PLD5: variants seen among roughly 807,000 people sequenced by gnomAD.
PLD5 encodes the protein phospholipase D family member 5.
In PLD5, 36 loss-of-function variants were observed where a neutral mutation model predicts 61.1. The ratio of observed to expected loss-of-function variants is 0.59; its 90% CI spans 0.45 to 0.78. The LOEUF (loss-of-function observed/expected upper bound fraction) is 0.78, where lower values mean the gene tolerates loss of function less well. PLD5 is among the 30% of genes least tolerant of loss of function. The probability of loss-of-function intolerance (pLI) is 0.00; values close to 1 mark genes in which losing one functional copy is unlikely to be tolerated. For missense variants in PLD5, 515 were observed against 644.4 expected, an observed-to-expected ratio of 0.80 and a Z score of 2.17; for synonymous variants, 243 against 242.8, an observed-to-expected ratio of 1.00 and a Z score of -0.01.
intron 1 of PLD5, among the ~76,000 whole-genome samples, chr1:242,504,134 T>G (rs573910886): frequency 6.6e-6 from 1 of 152,290 alleles, no homozygotes; most frequent in African/African-American, 2.4e-5. Context: ...AGAAATAATT[T>G]TATCTATTTT....
In PLD5 at chr1:242,361,969, A is replaced by AT. The variant is rs1172656842; in HGVS notation, c.190-13728dup. ...GGCCAACATACTGAGACCTCATCTC[A>AT]TTTTTTTTTTTTTTTGGTATAAAAA... On this transcript the variant is annotated intron_variant, in intron 1 of 9. Transcript: ENST00000536534. Among the ~76,000 whole-genome samples the AT allele has an allele frequency of 3.5e-3, 478 of 137,528 alleles. 1 individual carries two copies. The highest frequency in any genetic ancestry group is 4.4e-3 in the Non-Finnish European group (276 of 63,298). 90.2% of individuals were successfully genotyped at this position (137,528 alleles called of 152,430 possible). A position where few individuals can be genotyped will look rare whatever the true frequency, so the allele number is the denominator to read the frequency against.
rs1328499586 is a variant in PLD5, at chr1:242,435,288, A to G, written c.190-87046T>C. On this transcript the variant is annotated intron_variant, in intron 1 of 9. Coordinates refer to ENST00000536534, the MANE Select transcript of PLD5 (RefSeq NM_001372062.1). ...GGTGAAAAATCTGAGTCCCTAGTGC[A>G]TGCGCTCCCAGTTGAGGTCAAACAA... 3.3e-5 allele frequency among the ~76,000 whole-genome samples: 5 copies of G among 149,418 alleles called. No individual in the cohort carries two copies. In the East Asian group the frequency reaches 5.8e-4, roughly 17 times the overall value.
intron 1 of PLD5, among the ~76,000 whole-genome samples, chr1:242,472,326 C>T (rs772397430): frequency 1.2e-4 from 18 of 152,162 alleles, no homozygotes; most frequent in Non-Finnish European, 1.2e-4. Context: ...TTGTTTGCTT[C>T]GATGCCTTTG....
At chr1:242,273,908 G>A (rs1339271190) in intron 3 of PLD5, among the ~76,000 whole-genome samples, 4 of 152,162 alleles carry the variant, frequency 2.6e-5, no homozygotes, top group African/African-American at 7.2e-5. Flanking sequence ...TGGGAGAGCC[G>A]AGGAATGCTG....
intron 1 of PLD5, among the ~76,000 whole-genome samples, chr1:242,370,909 A>G (rs2149246087): frequency 6.6e-6 from 1 of 152,144 alleles, no homozygotes; most frequent in Admixed American, 6.6e-5. Flanking sequence ...CAATATATCA[A>G]AATAAGTCCA....
At chr1:242,220,722 T>TTATTA (rs1670525545) in intron 4 of PLD5, among the ~76,000 whole-genome samples, 1 of 144,818 alleles carries the variant, frequency 6.9e-6, no homozygotes, top group Non-Finnish European at 1.5e-5. Flanking sequence ...TTATTTTATT[T>TTATTA]TATTTTATTT....
At chr1:242,371,074 C>G (rs1191005850) in intron 1 of PLD5, among the ~76,000 whole-genome samples, 1 of 152,152 alleles carries the variant, frequency 6.6e-6, no homozygotes, top group African/African-American at 2.4e-5. Flanking sequence ...CAAAACCCAA[C>G]AATCTTTATT....
chr1:242,492,567 G>A (rs1366778277), intron 1 of PLD5, among the ~76,000 whole-genome samples: 2 of 151,604 alleles, frequency 1.3e-5, no homozygotes, highest in Middle Eastern at 3.4e-3. Flanking sequence ...ATCATATACT[G>A]TTACTATGGT....
intron 5 of PLD5, among the ~76,000 whole-genome samples, chr1:242,163,271 G>C (rs1013846935): frequency 3.3e-5 from 5 of 151,796 alleles, no homozygotes; most frequent in Non-Finnish European, 5.9e-5. Context: ...AGCCTCCCGA[G>C]TAGCTGGGAC....
At position 242,220,344 on chromosome 1, in the gene PLD5, G is replaced by C. The variant is rs574104344; in HGVS notation, c.608-229C>G. ...AAGAAAAGAAAAGAAAAAGCCAGGG[G>C]AAATGCCTTTTCCTATGCATATGGC... On this transcript the variant is annotated intron_variant, in intron 4 of 9. Transcript: ENST00000536534. Among the ~76,000 whole-genome samples the C allele has an allele frequency of 1.4e-3, 213 of 152,154 alleles. 1 individual carries two copies. The highest frequency in any genetic ancestry group is 0.012 in the South Asian group (58 of 4,818).
At chr1:242,378,308 A>C (rs1053210457) in intron 1 of PLD5, among the ~76,000 whole-genome samples, 2 of 152,216 alleles carry the variant, frequency 1.3e-5, no homozygotes, top group Non-Finnish European at 2.9e-5. Flanking sequence ...TAGTGTAGCC[A>C]AATTCAAAGA....
intron 2 of PLD5, among the ~76,000 whole-genome samples, chr1:242,332,857 A>T (rs182520861): frequency 2.4e-4 from 37 of 152,328 alleles, no homozygotes; most frequent in African/African-American, 8.2e-4. Context: ...CTAATACTTG[A>T]CGTTCACTCG....
chr1:242,282,404 G>A (rs1384513599), intron 3 of PLD5, among the ~76,000 whole-genome samples: 2 of 152,162 alleles, frequency 1.3e-5, no homozygotes, highest in Non-Finnish European at 2.9e-5. Context: ...CCACTGTGTA[G>A]AGGTAGGATC....
chr1:242,194,407 C>G lies in PLD5; in HGVS notation c.735+25581G>C, dbSNP rs181793775. Among the ~76,000 whole-genome samples, 823 of 152,276 alleles carry G rather than the reference C, an allele frequency of 5.4e-3. 3 individuals are homozygous for G. Among genetic ancestry groups the G allele is most frequent in the Middle Eastern group, 0.044 (13 of 294 alleles). ...GTAGAACTGCCATTTGATCCAGCAA[C>G]TGCACTGCTGGGTATCTACCCAGAG... On this transcript the variant is annotated intron_variant, in intron 5 of 9. Transcript: ENST00000536534.
At chr1:242,382,276 T>C (rs1036663753) in intron 1 of PLD5, among the ~76,000 whole-genome samples, 11 of 152,160 alleles carry the variant, frequency 7.2e-5, no homozygotes, top group Admixed American at 2.0e-4. Flanking sequence ...ATTGACATCA[T>C]TGGCTGCATT....
intron 1 of PLD5, among the ~76,000 whole-genome samples, chr1:242,485,901 A>G (rs1667943120): frequency 6.6e-6 from 1 of 152,216 alleles, no homozygotes; most frequent in Non-Finnish European, 1.5e-5. Flanking sequence ...AGACCTCAGA[A>G]ATAATGACAC....
At chr1:242,255,976 G>A (rs1279164797) in intron 4 of PLD5, among the ~76,000 whole-genome samples, 6 of 152,222 alleles carry the variant, frequency 3.9e-5, no homozygotes, top group African/African-American at 1.4e-4. Flanking sequence ...TGCTTTGTGG[G>A]ATCGTAACCC....
At chr1:242,385,509 C>A (rs1364027033) in intron 1 of PLD5, among the ~76,000 whole-genome samples, 2 of 152,180 alleles carry the variant, frequency 1.3e-5, no homozygotes, top group African/African-American at 4.8e-5. Context: ...ATAGCATGGG[C>A]TCCCAGAGCT....
At position 242,190,743 on chromosome 1, in the gene PLD5, A is replaced by C. The variant is rs80072278; in HGVS notation, c.735+29245T>G. 1.6e-3 allele frequency among the ~76,000 whole-genome samples: 245 copies of C among 151,838 alleles called. 1 individual carries two copies. Among genetic ancestry groups the C allele is most frequent in the African/African-American group, 4.9e-3 (203 of 41,206 alleles). ...AAAAAAATTAAAACAAACAAACAAA[A>C]AAAAAATAGAAAAATCCCATACAAG... On this transcript the variant is annotated intron_variant, in intron 5 of 9. Transcript: ENST00000536534.
Sources: allele counts gnomAD v4.1 joint callset (sites outside exome capture counted in the v4.1 genomes callset), GRCh38; gene constraint gnomAD v4.1.1; transcripts MANE v1.5; gene names NCBI Gene and HGNC (gene_info 2026-07-23, HGNC 2026-07-21).